AFF3: variants seen among roughly 807,000 people sequenced by gnomAD.
The protein encoded by AFF3 is AF4/FMR2 family member 3.
AFF3 carries 32 observed loss-of-function variants against 129.7 expected under a neutral mutation model. The observed-to-expected ratio is 0.25, with a 90% CI of 0.19 to 0.33. The LOEUF is 0.33. Ranked by LOEUF, AFF3 falls within the 10% of genes least tolerant of loss-of-function variation. The pLI, the probability that AFF3 is intolerant of heterozygous loss-of-function variation, is 1.00. For missense variants in AFF3, 1,373 were observed against 1,592.0 expected (o/e 0.86, Z 2.34); for synonymous variants, 644 against 635.4 (o/e 1.01, Z -0.20).
chr2:99,652,478 A>G (rs2105650141), intron 12 of AFF3, among the ~76,000 whole-genome samples: 1 of 152,316 alleles, frequency 6.6e-6, no homozygotes, highest in African/African-American at 2.4e-5. Context: ...ACTGCGGCAG[A>G]GTAGGAATGA....
chr2:99,788,315 G>A (rs181872948), intron 8 of AFF3, among the ~76,000 whole-genome samples: 1 of 152,264 alleles, frequency 6.6e-6, no homozygotes, highest in African/African-American at 2.4e-5. Context: ...TGCTATCAGA[G>A]GAGAGGACAG....
intron 11 of AFF3, among the ~76,000 whole-genome samples, chr2:99,673,078 G>A (rs929994982): frequency 1.3e-5 from 2 of 151,228 alleles, no homozygotes; most frequent in African/African-American, 4.9e-5. Flanking sequence ...AAATACATAG[G>A]GGCTTTTCCC....
At chr2:100,104,787 CCCGCTGCTGCAG>C (rs1559127958) in intron 3 of AFF3, 1 of 819,296 alleles carries the variant, frequency 1.2e-6, no homozygotes, top group Non-Finnish European at 1.4e-6. Context: ...GGCGGCCCGG[CCCGCTGCTGCAG>C]CCGCCGCCGC....
intron 12 of AFF3, among the ~76,000 whole-genome samples, chr2:99,651,146 C>T (rs1185922557): frequency 6.7e-6 from 1 of 148,486 alleles, no homozygotes; most frequent in Admixed American, 6.8e-5. Context: ...GTACTCCAGC[C>T]TGGGCAACAA....
intron 9 of AFF3, among the ~76,000 whole-genome samples, chr2:99,745,594 AC>A (rs1307920966): frequency 6.6e-6 from 1 of 152,084 alleles, no homozygotes; most frequent in African/African-American, 2.4e-5. Flanking sequence ...CTTTGAATGA[AC>A]CTTTACTGCC....
chr2:99,710,537 G>A (rs1158218517), intron 11 of AFF3, among the ~76,000 whole-genome samples: 2 of 152,168 alleles, frequency 1.3e-5, no homozygotes, highest in African/African-American at 4.8e-5. Context: ...GTGAGGCACT[G>A]TGCCTGGCCA....
chr2:99,868,003 A>ACT (rs752900712), intron 7 of AFF3, among the ~76,000 whole-genome samples: 10 of 129,402 alleles, frequency 7.7e-5, no homozygotes, highest in East Asian at 6.7e-4. Flanking sequence ...AACACCCACG[A>ACT]CTCTCTTTCT....
intron 7 of AFF3, among the ~76,000 whole-genome samples, chr2:99,895,559 G>T (rs1693874191): frequency 6.6e-6 from 1 of 152,204 alleles, no homozygotes; most frequent in East Asian, 1.9e-4. Flanking sequence ...GCTCATGGCA[G>T]ACAGGATCTT....
At chr2:100,046,500 G>A (rs1303984334) in intron 4 of AFF3, among the ~76,000 whole-genome samples, 1 of 152,122 alleles carries the variant, frequency 6.6e-6, no homozygotes, top group East Asian at 1.9e-4. Flanking sequence ...TGTTGGACTG[G>A]GCTGCAGTTT....
At chr2:99,932,197 GA>G (rs751488686) in intron 7 of AFF3, among the ~76,000 whole-genome samples, 2 of 152,100 alleles carry the variant, frequency 1.3e-5, no homozygotes, top group African/African-American at 4.8e-5. Flanking sequence ...AACATTATGA[GA>G]TTTTTTTTGC....
chr2:99,765,309 T>C (rs1575912693), intron 8 of AFF3, among the ~76,000 whole-genome samples: 1 of 151,988 alleles, frequency 6.6e-6, no homozygotes, highest in Non-Finnish European at 1.5e-5. Flanking sequence ...GAGAAGGGGG[T>C]GAAAATTACA....
chr2:99,884,168 C>CTATTTATTTTTTGAT (rs1692931752), intron 7 of AFF3, among the ~76,000 whole-genome samples: 1 of 152,032 alleles, frequency 6.6e-6, no homozygotes. Context: ...AAGCAAATAA[C>CTATTTATTTTTTGAT]TATTTATTTT....
At chr2:99,693,709 A>G (rs1389814912) in intron 11 of AFF3, among the ~76,000 whole-genome samples, 2 of 152,116 alleles carry the variant, frequency 1.3e-5, no homozygotes, top group East Asian at 3.9e-4. Flanking sequence ...TTCCCTTATT[A>G]CCAAAAAATA....
intron 22 of AFF3, among the ~76,000 whole-genome samples, chr2:99,555,718 G>C (rs1674849029): frequency 6.6e-6 from 1 of 152,200 alleles, no homozygotes; most frequent in East Asian, 1.9e-4. Context: ...CCTCAGCCTG[G>C]TTCTCCAGAG....
At chr2:100,001,662 G>A (rs776832694) in intron 7 of AFF3, among the ~76,000 whole-genome samples, 9 of 152,124 alleles carry the variant, frequency 5.9e-5, no homozygotes, top group South Asian at 2.1e-4. Context: ...TCCTGACCTC[G>A]TGATCCACCC....
chr2:99,928,407 T>C (rs1407015949), intron 7 of AFF3, among the ~76,000 whole-genome samples: 5 of 152,198 alleles, frequency 3.3e-5, no homozygotes, highest in African/African-American at 1.2e-4. Flanking sequence ...GTTCCTTGAA[T>C]ACAAGCTCTT....
intron 7 of AFF3, among the ~76,000 whole-genome samples, chr2:99,839,282 G>A (rs1273822488): frequency 6.6e-6 from 1 of 151,940 alleles, no homozygotes; most frequent in Non-Finnish European, 1.5e-5. Flanking sequence ...GCTAATTTTT[G>A]TATTTTTAGT....
chr2:99,983,932 T>G (rs1262139086), intron 7 of AFF3, among the ~76,000 whole-genome samples: 2 of 152,008 alleles, frequency 1.3e-5, no homozygotes, highest in Admixed American at 1.3e-4. Flanking sequence ...TCAAAAAGGT[T>G]TTTATAAAAC....
intron 4 of AFF3, among the ~76,000 whole-genome samples, chr2:100,058,809 A>G (rs1443227021): frequency 6.6e-6 from 1 of 152,370 alleles, no homozygotes; most frequent in East Asian, 1.9e-4. Flanking sequence ...AGTTTTCATC[A>G]AAATTAAAAC....
Sources: allele counts gnomAD v4.1 joint callset (sites outside exome capture counted in the v4.1 genomes callset), GRCh38; gene constraint gnomAD v4.1.1; transcripts MANE v1.5; gene names NCBI Gene and HGNC (gene_info 2026-07-23, HGNC 2026-07-21).